DNMT1: variants seen among roughly 807,000 people sequenced by gnomAD.
DNMT1 encodes DNA (cytosine-5)-methyltransferase 1.
Under a neutral mutation model 205.3 loss-of-function variants are expected in DNMT1, and 24 were observed. That is an observed-to-expected ratio of 0.12 (90% CI 0.08 to 0.16). DNMT1 has a LOEUF of 0.16. Among genes scored for constraint, DNMT1 ranks in the 10% least tolerant of loss-of-function variants. The pLI is 1.00. For missense variants in DNMT1, 1,293 were observed against 2,177.7 expected, an observed-to-expected ratio of 0.59 and a Z score of 8.09; for synonymous variants, 817 against 839.8, an observed-to-expected ratio of 0.97 and a Z score of 0.47.
At chr19:10,147,046 C>T (rs1234746281) in intron 27 of DNMT1, among the ~76,000 whole-genome samples, 1 of 152,068 alleles carries the variant, frequency 6.6e-6, no homozygotes. Flanking sequence ...GTCGCTTGAG[C>T]CCAGAAGTTT....
intron 14 of DNMT1, 28 bp from the exon 15 acceptor site, chr19:10,160,091 CGTTT>C: frequency 1.2e-6 from 2 of 1,611,430 alleles, no homozygotes; most frequent in Non-Finnish European, 8.5e-7. Flanking sequence ...ATCACAAGAT[CGTTT>C]GTTTAATTGT....
At chr19:10,170,942 C>G (rs923069777) in intron 9 of DNMT1, among the ~76,000 whole-genome samples, 1 of 152,076 alleles carries the variant, frequency 6.6e-6, no homozygotes, top group African/African-American at 2.4e-5. Context: ...TACAGGCACA[C>G]TGCCTGTTGT....
chr19:10,148,863 G>A (rs756724540), intron 27 of DNMT1, 21 bp downstream of exon 27: 14 of 1,614,050 alleles, frequency 8.7e-6, no homozygotes, highest in African/African-American at 5.3e-5. Context: ...TGCTGACCCC[G>A]AGTCCAGCCC....
chr19:10,171,799 C>T (rs1192770951), intron 9 of DNMT1, among the ~76,000 whole-genome samples: 1 of 135,200 alleles, frequency 7.4e-6, no homozygotes, highest in South Asian at 2.4e-4. Context: ...AGCGAGACTC[C>T]GTCTCAAATA....
intron 37 of DNMT1, 105 bp from the exon 38 acceptor site, chr19:10,136,392 G>A: frequency 2.8e-6 from 4 of 1,453,484 alleles, no homozygotes; most frequent in Admixed American, 3.9e-5. Flanking sequence ...TCCTGTGCAA[G>A]GGGCCCCCTG....
intron 9 of DNMT1, among the ~76,000 whole-genome samples, chr19:10,168,675 A>C (rs1281184645): frequency 6.6e-6 from 1 of 151,134 alleles, no homozygotes; most frequent in Admixed American, 6.6e-5. Context: ...TTTTTACTTC[A>C]AAATTCCTCT....
Position 10,156,052 on chromosome 19 carries a change from T to G in DNMT1, c.1400-107A>C. The G allele has an allele frequency of 8.8e-7, 1 of 1,134,650 alleles. No individual in the cohort carries two copies. The highest frequency in any genetic ancestry group is 1.3e-6 in the Non-Finnish European group (1 of 776,880). 70.3% of individuals were successfully genotyped at this position (1,134,650 alleles called of 1,614,324 possible). On this transcript the variant is annotated intron_variant, in intron 18 of 40. Coordinates refer to ENST00000359526, the MANE Select transcript of DNMT1 (RefSeq NM_001130823.3). This position sits in a 1 kb window ranked among gnomAD's most constrained non-coding sequence, Gnocchi z 4.2. The stretch of plus-strand genomic sequence containing the variant: ...ACATCCCATCAGCCAGGTCGGGTGC[T>G]CCTCAGTCATCACAATGACTTGGCC...
intron 37 of DNMT1, 118 bp downstream of exon 37, chr19:10,136,967 G>A: frequency 1.5e-6 from 2 of 1,372,084 alleles, no homozygotes; most frequent in South Asian, 2.5e-5. Context: ...CCTTCTCTGG[G>A]ACACCCAGGC....
At chr19:10,160,219 C>G in intron 14 of DNMT1, 156 bp from the exon 15 acceptor site, 1 of 1,509,654 alleles carries the variant, frequency 6.6e-7, no homozygotes, top group Non-Finnish European at 9.0e-7. Context: ...GGCTCTTCAC[C>G]GCAGGGGCAT....
chr19:10,161,491 T>C (rs551088236), intron 13 of DNMT1, among the ~76,000 whole-genome samples: 62 of 151,720 alleles, frequency 4.1e-4, no homozygotes, highest in African/African-American at 1.4e-3. Context: ...TCTACAAAAA[T>C]AGAAAGTTAA....
Position 10,180,413 on chromosome 19 carries a change from G to A in DNMT1, c.382C>T (p.Pro128Ser), listed in dbSNP as rs146601335. Residue 128 changes from proline to serine, a missense_variant, in exon 4 of 41, where the codon CCC becomes TCC. By Grantham distance (74) the Pro-to-Ser change is moderately conservative. Coordinates refer to ENST00000359526, the MANE Select transcript of DNMT1 (RefSeq NM_001130823.3). Reference protein sequence around the residue: ...RRVGMADANSPPKPLSKPRTP... With the variant: ...RRVGMADANSSPKPLSKPRTP... ...CGAGGTTTGGAAAGGGGTTTGGGGG[G>A]GCTGTTGGCATCTGCCATTCCCACT... 3.2e-5 allele frequency: 52 copies of A among 1,613,924 alleles called. No homozygotes were observed. Among genetic ancestry groups the A allele is most frequent in the East Asian group, 1.6e-4 (7 of 44,898 alleles).
chr19:10,134,430 G>C (rs1346380899), intron 39 of DNMT1, 123 bp from the exon 40 acceptor site: 1 of 862,126 alleles, frequency 1.2e-6, no homozygotes, highest in African/African-American at 1.7e-5. Context: ...TTGGGGAAGG[G>C]TTCTGGTCCT....
intron 1 of DNMT1, among the ~76,000 whole-genome samples, chr19:10,190,912 A>C (rs762218503): frequency 1.8e-4 from 28 of 152,196 alleles, no homozygotes; most frequent in Non-Finnish European, 3.4e-4. Flanking sequence ...CAAGAGTTTG[A>C]AACCAGCCTG....
Position 10,156,295 on chromosome 19 carries a change from C to T in DNMT1, c.1399+96G>A. ...CTCCCGGGCTCAAGTGATCCTCTGGCCTCAGACCCCCAAAGTGCTAGGATT... is the reference window on the plus strand; with the variant it reads ...CTCCCGGGCTCAAGTGATCCTCTGGTCTCAGACCCCCAAAGTGCTAGGATT... On this transcript the variant is annotated intron_variant, in intron 18 of 40. Coordinates refer to ENST00000359526, the MANE Select transcript of DNMT1 (RefSeq NM_001130823.3). The surrounding 1 kb of genome is among the most constrained non-coding windows in gnomAD (Gnocchi z 4.2). 1.0e-6 allele frequency: 1 copy of T among 987,582 alleles called. No homozygotes were observed. The highest frequency in any genetic ancestry group is 1.6e-6 in the Non-Finnish European group (1 of 620,876). 61.2% of individuals were successfully genotyped at this position (987,582 alleles called of 1,614,324 possible).
At chr19:10,136,074 A>G in intron 38 of DNMT1, 47 bp downstream of exon 38, 1 of 1,612,762 alleles carries the variant, frequency 6.2e-7, no homozygotes, top group Non-Finnish European at 8.5e-7. Flanking sequence ...TTAGGCCGCC[A>G]AGTACAGGGC....
intron 3 of DNMT1, 47 bp from the exon 4 acceptor site, chr19:10,180,616 G>T: frequency 6.3e-7 from 1 of 1,587,458 alleles, no homozygotes; most frequent in South Asian, 1.1e-5. Context: ...GTAAACAAGT[G>T]TCAGAGAACA....
At position 10,156,919 on chromosome 19, in the gene DNMT1, G is replaced by A. The variant is rs770284289; in HGVS notation, c.1281-410C>T. 9.9e-5 allele frequency among the ~76,000 whole-genome samples: 15 copies of A among 152,036 alleles called. No individual in the cohort carries two copies. Among genetic ancestry groups the A allele is most frequent in the South Asian group, 6.2e-4 (3 of 4,828 alleles). On this transcript the variant is annotated intron_variant, in intron 17 of 40. Coordinates refer to ENST00000359526, the MANE Select transcript of DNMT1 (RefSeq NM_001130823.3). This position sits in a 1 kb window ranked among gnomAD's most constrained non-coding sequence, Gnocchi z 4.2. ...AGGCTGAACCACCATGCCTGGCCCC[G>A]ACACTCATTTTTTGGTTGCGGGAAC...
At chr19:10,182,467 GTATATA>G (rs1300399376) in intron 1 of DNMT1, among the ~76,000 whole-genome samples, 1 of 121,212 alleles carries the variant, frequency 8.3e-6, no homozygotes, top group Non-Finnish European at 1.8e-5. Flanking sequence ...ATATATGTGT[GTATATA>G]TATACATATA....
At chr19:10,147,809 T>C (rs1399257880) in intron 27 of DNMT1, among the ~76,000 whole-genome samples, 1 of 151,532 alleles carries the variant, frequency 6.6e-6, no homozygotes, top group Non-Finnish European at 1.5e-5. Context: ...GCATGGGGCA[T>C]TGGACATTAA....
Sources: gnomAD v4.1 joint callset for allele counts (sites outside exome capture counted in the v4.1 genomes callset) on GRCh38, gnomAD v4.1.1 for gene constraint, Gnocchi (gnomAD v3.1) non-coding constraint, MANE v1.5 for transcripts, NCBI Gene and HGNC (gene_info 2026-07-23, HGNC 2026-07-21) for gene names.